Variants in XCR1 observed in about 807,000 individuals in gnomAD.
The protein encoded by XCR1 is X-C motif chemokine receptor 1, also known as chemokine XC receptor 1.
For synonymous variants in XCR1, 187 were observed against 188.5 expected, an observed-to-expected ratio of 0.99 and a Z score of 0.06; for missense variants, 356 against 424.2, an observed-to-expected ratio of 0.84 and a Z score of 1.41.
chr3:46,056,659 T>TA (rs55721146), intron 4 of XCR1, among the ~76,000 whole-genome samples: 49,425 of 151,448 alleles, frequency 0.33, 9,940 homozygotes, highest in East Asian at 0.66. Context: ...TTTATTTATT[T>TA]TTTTTTTTGT....
intron 4 of XCR1, among the ~76,000 whole-genome samples, chr3:46,061,479 A>C (rs1160336003): frequency 6.6e-6 from 1 of 152,178 alleles, no homozygotes; most frequent in African/African-American, 2.4e-5. Context: ...GGATCATCCA[A>C]ACCACTTGAT....
At chr3:46,048,298 T>C (rs1486926948) in intron 5 of XCR1, among the ~76,000 whole-genome samples, 1 of 152,174 alleles carries the variant, frequency 6.6e-6, no homozygotes, top group African/African-American at 2.4e-5. Context: ...ATGCCTAATA[T>C]GTTTTTGCTT....
chr3:46,033,026 T>C (rs1023582681), intron 5 of XCR1, among the ~76,000 whole-genome samples: 5 of 152,336 alleles, frequency 3.3e-5, no homozygotes, highest in African/African-American at 1.2e-4. Flanking sequence ...TGGATATAAG[T>C]CCTATATCCA....
At chr3:46,057,220 G>A (rs1559490147) in intron 4 of XCR1, among the ~76,000 whole-genome samples, 1 of 152,168 alleles carries the variant, frequency 6.6e-6, no homozygotes. Context: ...GCCTCAGCTA[G>A]CCAAGTAGCT....
chr3:46,078,133 C>T (rs542969237), intron 1 of XCR1, among the ~76,000 whole-genome samples: 6 of 152,186 alleles, frequency 3.9e-5, no homozygotes, highest in South Asian at 2.1e-4. Flanking sequence ...AGGCTGGATG[C>T]GGCACTCCCC....
chr3:46,065,872 G>A (rs1227394106), intron 4 of XCR1, among the ~76,000 whole-genome samples: 1 of 152,202 alleles, frequency 6.6e-6, no homozygotes, highest in Non-Finnish European at 1.5e-5. Flanking sequence ...AGACTAAACA[G>A]GCATTTGAGA....
chr3:46,038,192 A>G (rs1320849662), intron 5 of XCR1, among the ~76,000 whole-genome samples: 2 of 151,346 alleles, frequency 1.3e-5, no homozygotes, highest in Non-Finnish European at 2.9e-5. Flanking sequence ...CATGCCTTGT[A>G]TTTTTCTGAG....
Position 46,023,878 on chromosome 3 carries a change from G to A in XCR1, c.-31-1900C>T, listed in dbSNP as rs1708226894. The A allele has an allele frequency of 4.0e-6, 6 of 1,518,342 alleles. No homozygotes were observed. The African/African-American group carries it at 6.9e-5, about 17-fold the overall frequency. The allele number at this position is 1,518,342 out of a possible 1,614,324, so 94.1% of individuals were successfully genotyped here. On this transcript the variant is annotated intron_variant, in intron 1 of 1. Transcript: ENST00000309285. ...GGCTGAGAATGAAAGATTAAGGAAA[G>A]AAAATAACTAAAGGCTGAAAAGGCC...
rs536060602 is a variant in XCR1, at chr3:46,019,632, G to A, written c.*1314C>T. The A allele has an allele frequency of 3.9e-5, 6 of 152,470 alleles. No homozygotes were observed. In the East Asian group the frequency reaches 1.2e-3, roughly 29 times the overall value. The allele number at this position is 152,470 out of a possible 1,614,324, so 9.4% of individuals were successfully genotyped here. A position where few individuals can be genotyped will look rare whatever the true frequency, so the allele number is the denominator to read the frequency against. ...GATATGTGTCTGAAAGAAGGCCAGT[G>A]GTGTTTTGGGGTTGGATCCCAAGCT... On this transcript the variant is annotated 3_prime_UTR_variant, in exon 2 of 2. Transcript: ENST00000309285.
chr3:46,032,485 T>C (rs1335670919), upstream of XCR1, among the ~76,000 whole-genome samples: 1 of 152,180 alleles, frequency 6.6e-6, no homozygotes, highest in African/African-American at 2.4e-5. Context: ...CCTTGCCACT[T>C]CATGCCTGAC....
At chr3:46,060,592 C>T (rs963943424) in intron 4 of XCR1, among the ~76,000 whole-genome samples, 1 of 152,132 alleles carries the variant, frequency 6.6e-6, no homozygotes, top group Non-Finnish European at 1.5e-5. Flanking sequence ...CTGGTGGAAG[C>T]ATTCCTCCCT....
chr3:46,084,202 T>C (rs1184627587), intron 1 of XCR1, among the ~76,000 whole-genome samples: 2 of 152,148 alleles, frequency 1.3e-5, no homozygotes, highest in African/African-American at 2.4e-5. Flanking sequence ...CACTCCCCCA[T>C]GTGGGACAGG....
rs188640706 is a variant in XCR1, at chr3:46,024,985, T to C, written c.-32+2432A>G. ...AAGGCAAAGTATAAAATATTTTGCATTGATAATAATGAAAATACCACATAT... is the reference window on the plus strand; with the variant it reads ...AAGGCAAAGTATAAAATATTTTGCACTGATAATAATGAAAATACCACATAT... On this transcript the variant is annotated intron_variant, in intron 1 of 1. Transcript: ENST00000309285. Among the ~76,000 whole-genome samples the C allele has an allele frequency of 6.3e-3, 966 of 152,282 alleles. 6 individuals carry two copies. Among genetic ancestry groups the C allele is most frequent in the Non-Finnish European group, 0.011 (728 of 68,026 alleles).
At chr3:46,032,401 T>C (rs978909258), upstream of XCR1, among the ~76,000 whole-genome samples, 2 of 152,232 alleles carry the variant, frequency 1.3e-5, no homozygotes, top group African/African-American at 4.8e-5. Context: ...GGCTGGCACC[T>C]GGAGCTGCCC....
chr3:46,024,150 T>G, intron 1 of XCR1: 1 of 591,188 alleles, frequency 1.7e-6, no homozygotes, highest in Non-Finnish European at 3.0e-6. Context: ...GATTTATGAA[T>G]AATTAAAATG....
intron 1 of XCR1, among the ~76,000 whole-genome samples, chr3:46,025,396 C>G (rs1475092387): frequency 6.6e-6 from 1 of 151,156 alleles, no homozygotes; most frequent in African/African-American, 2.4e-5. Flanking sequence ...AGAGCAAGAC[C>G]CTGTCTCAAA....
intron 5 of XCR1, among the ~76,000 whole-genome samples, chr3:46,053,041 A>T (rs1394573115): frequency 1.3e-5 from 2 of 152,218 alleles, no homozygotes; most frequent in Non-Finnish European, 2.9e-5. Flanking sequence ...CTCCGTTTCC[A>T]GCAGCATGGT....
intron 5 of XCR1, among the ~76,000 whole-genome samples, chr3:46,033,301 G>T (rs2125896090): frequency 6.6e-6 from 1 of 152,308 alleles, no homozygotes; most frequent in African/African-American, 2.4e-5. Context: ...TTACTTGCTA[G>T]AAGTTTTGTA....
chr3:46,055,769 G>C, intron 4 of XCR1, among the ~76,000 whole-genome samples: 1 of 152,174 alleles, frequency 6.6e-6, no homozygotes, highest in East Asian at 1.9e-4. Context: ...ATCCCTGCTT[G>C]TCCAGCAGTA....
Sources: gnomAD v4.1 joint callset for allele counts (sites outside exome capture counted in the v4.1 genomes callset) on GRCh38, gnomAD v4.1.1 for gene constraint, MANE v1.5 for transcripts, NCBI Gene and HGNC (gene_info 2026-07-23, HGNC 2026-07-21) for gene names.